Variants in SH3RF2 observed in about 807,000 individuals in gnomAD.
SH3RF2 encodes the protein SH3 domain containing ring finger 2, also known as E3 ubiquitin-protein ligase SH3RF2.
A neutral mutation model predicts 59.0 loss-of-function variants in SH3RF2; 43 were observed. That is an observed-to-expected ratio of 0.73 (90% confidence interval 0.57 to 0.94). SH3RF2 has a LOEUF of 0.94. Among genes scored for constraint, SH3RF2 ranks in the 40% least tolerant of loss-of-function variants. The pLI, the probability that SH3RF2 is intolerant of heterozygous loss-of-function variation, is 0.00. For synonymous variants in SH3RF2, 391 were observed against 391.5 expected, an observed-to-expected ratio of 1.00 and a Z score of 0.01; for missense variants, 930 against 940.1, an observed-to-expected ratio of 0.99 and a Z score of 0.14.
intron 2 of SH3RF2, among the ~76,000 whole-genome samples, chr5:145,939,079 C>T (rs886716883): frequency 2.6e-5 from 4 of 152,230 alleles, no homozygotes; most frequent in African/African-American, 9.6e-5. Flanking sequence ...GCGCTGAAAG[C>T]ACACCCCGAG....
chr5:146,066,636 A>T (rs1763112238), downstream of SH3RF2, among the ~76,000 whole-genome samples: 1 of 152,210 alleles, frequency 6.6e-6, no homozygotes, highest in Admixed American at 6.5e-5. Context: ...CTGAAGGAAA[A>T]GAGAGAGTCA....
chr5:145,973,054 G>A (rs955348347), intron 2 of SH3RF2, among the ~76,000 whole-genome samples: 1 of 152,172 alleles, frequency 6.6e-6, no homozygotes, highest in Non-Finnish European at 1.5e-5. Context: ...GAAAGGGAAA[G>A]ACACCTGACC....
intron 2 of SH3RF2, among the ~76,000 whole-genome samples, chr5:145,956,758 A>G (rs948264122): frequency 6.6e-6 from 1 of 152,228 alleles, no homozygotes; most frequent in African/African-American, 2.4e-5. Flanking sequence ...TTCTTCTGTA[A>G]AGAAAGGATT....
intron 5 of SH3RF2, among the ~76,000 whole-genome samples, chr5:146,038,744 A>C (rs1024873609): frequency 3.3e-5 from 5 of 152,194 alleles, no homozygotes; most frequent in Admixed American, 3.3e-4. Flanking sequence ...TTCTCCCCCA[A>C]ATTTAACCAT....
intron 2 of SH3RF2, among the ~76,000 whole-genome samples, chr5:145,953,856 A>G (rs566147014): frequency 6.6e-6 from 1 of 152,286 alleles, no homozygotes; most frequent in South Asian, 2.1e-4. Flanking sequence ...AATGGCCTTC[A>G]GCTCCATCCA....
At chr5:146,010,401 G>C (rs1381229469) in intron 4 of SH3RF2, among the ~76,000 whole-genome samples, 1 of 152,120 alleles carries the variant, frequency 6.6e-6, no homozygotes, top group Non-Finnish European at 1.5e-5. Flanking sequence ...CCCAGTAATG[G>C]GATGGCTGGG....
intron 2 of SH3RF2, among the ~76,000 whole-genome samples, chr5:145,999,565 G>T (rs899665250): frequency 2.0e-5 from 3 of 151,882 alleles, no homozygotes; most frequent in Non-Finnish European, 4.4e-5. Flanking sequence ...AAATTTGTAG[G>T]CAATTGTAGG....
chr5:145,940,880 T>C (rs970740073), intron 2 of SH3RF2, among the ~76,000 whole-genome samples: 6 of 152,178 alleles, frequency 3.9e-5, no homozygotes, highest in African/African-American at 1.4e-4. Flanking sequence ...ATTTGGAAGA[T>C]CATTATCACA....
intron 2 of SH3RF2, among the ~76,000 whole-genome samples, chr5:145,968,717 T>C (rs1312207335): frequency 1.3e-5 from 2 of 152,340 alleles, no homozygotes; most frequent in African/African-American, 4.8e-5. Flanking sequence ...TTATAGTAAG[T>C]CTTCAAACTC....
intron 2 of SH3RF2, among the ~76,000 whole-genome samples, chr5:145,949,911 A>G: frequency 6.6e-6 from 1 of 152,142 alleles, no homozygotes; most frequent in East Asian, 1.9e-4. Flanking sequence ...TTCACAACAG[A>G]AAGTTTTGTA....
rs979330262 is a variant in SH3RF2 at position 145,945,068 on chromosome 5, C to T, written c.378+6762C>T. On this transcript the variant is annotated intron_variant, in intron 2 of 9. Coordinates refer to ENST00000359120, the MANE Select transcript of SH3RF2 (RefSeq NM_152550.4). ...ACAAAGATACATATATAGAGACATA[C>T]ATGTATCAAAATTAGGGATATTGAT... 2.0e-5 allele frequency among the ~76,000 whole-genome samples: 3 copies of T among 152,100 alleles called. No homozygotes were observed. In the East Asian group the frequency reaches 5.8e-4, roughly 29 times the overall value.
At position 146,049,253 on chromosome 5, in the gene SH3RF2, GCCTCCA is replaced by G. The variant is rs776237219; in HGVS notation, c.1322+9_1322+14del. ...CGTCATCCCCATTTTCAGGTGTGTC[GCCTCCA>G]ATCCCAGACTTTGGGAGGTTGGGCC... On this transcript the variant is annotated intron_variant, in intron 7 of 9. Transcript: ENST00000359120. 7 of 1,595,780 alleles carry G rather than the reference GCCTCCA, an allele frequency of 4.4e-6. No individual in the cohort carries two copies. The highest frequency in any genetic ancestry group is 6.0e-6 in the Non-Finnish European group (7 of 1,170,040).
intron 5 of SH3RF2, among the ~76,000 whole-genome samples, chr5:146,037,432 A>G (rs1287987049): frequency 6.6e-6 from 1 of 152,174 alleles, no homozygotes; most frequent in African/African-American, 2.4e-5. Flanking sequence ...TAAGTAAGGC[A>G]CTGGGACTCT....
At chr5:145,976,126 G>C (rs1313010057) in intron 2 of SH3RF2, among the ~76,000 whole-genome samples, 1 of 152,134 alleles carries the variant, frequency 6.6e-6, no homozygotes, top group Admixed American at 6.5e-5. Flanking sequence ...AACTACAATA[G>C]AGAAGCCACT....
At chr5:146,039,943 G>A (rs897847859) in intron 5 of SH3RF2, among the ~76,000 whole-genome samples, 7 of 152,174 alleles carry the variant, frequency 4.6e-5, no homozygotes, top group African/African-American at 1.7e-4. Context: ...AAATATATGC[G>A]AAAACTTCCT....
chr5:146,015,792 C>T (rs79952290), intron 5 of SH3RF2, among the ~76,000 whole-genome samples: 2,893 of 152,332 alleles, frequency 0.019, 101 homozygotes, highest in African/African-American at 0.067. Flanking sequence ...CAGTATGGCA[C>T]TGCATTCACA....
At chr5:146,034,743 C>A (rs914462642) in intron 5 of SH3RF2, among the ~76,000 whole-genome samples, 1 of 152,112 alleles carries the variant, frequency 6.6e-6, no homozygotes, top group South Asian at 2.1e-4. Flanking sequence ...TTCAAGGAAC[C>A]ATGAGAGCAT....
intron 2 of SH3RF2, among the ~76,000 whole-genome samples, chr5:145,984,177 C>T (rs1237052644): frequency 6.6e-6 from 1 of 152,006 alleles, no homozygotes; most frequent in South Asian, 2.1e-4. Context: ...GCACTCAGTA[C>T]TTTTTTGTTG....
At chr5:146,046,942 G>A (rs930499388) in intron 5 of SH3RF2, among the ~76,000 whole-genome samples, 1 of 152,082 alleles carries the variant, frequency 6.6e-6, no homozygotes, top group African/African-American at 2.4e-5. Context: ...TTTTTTAAAA[G>A]AGATGGGATC....
Sources: allele counts gnomAD v4.1 joint callset (sites outside exome capture counted in the v4.1 genomes callset), GRCh38; gene constraint gnomAD v4.1.1; transcripts MANE v1.5; gene names NCBI Gene and HGNC (gene_info 2026-07-23, HGNC 2026-07-21).